The following MMS22L variants were observed in gnomAD, a reference collection of about 807,000 sequenced individuals.
MMS22L encodes the protein protein MMS22-like.
In MMS22L, 74 loss-of-function variants were observed where a neutral mutation model predicts 159.1. That is an observed-to-expected ratio of 0.47 (90% CI 0.39 to 0.56). The LOEUF is 0.56. Among genes scored for constraint, MMS22L ranks in the 20% least tolerant of loss-of-function variants. MMS22L has a pLI of 0.00. For synonymous variants in MMS22L, 517 were observed against 506.9 expected (o/e 1.02, Z -0.27); for missense variants, 1,351 against 1,422.1 (o/e 0.95, Z 0.80).
At chr6:97,213,781 A>C (rs549471762) in intron 14 of MMS22L, among the ~76,000 whole-genome samples, 1 of 152,336 alleles carries the variant, frequency 6.6e-6, no homozygotes, top group Non-Finnish European at 1.5e-5. Context: ...AAAAAGGCTT[A>C]GAGAAATAGT....
chr6:97,256,948 T>TA (rs938654143), intron 9 of MMS22L, among the ~76,000 whole-genome samples: 85 of 152,232 alleles, frequency 5.6e-4, no homozygotes, highest in African/African-American at 2.0e-3. Flanking sequence ...CCTTCTCTCT[T>TA]AAAAAAATAA....
chr6:97,159,667 T>C (rs1409901783), intron 22 of MMS22L, among the ~76,000 whole-genome samples: 1 of 152,018 alleles, frequency 6.6e-6, no homozygotes, highest in Non-Finnish European at 1.5e-5. Flanking sequence ...TGAGCTGACC[T>C]GATGCCATAA....
chr6:97,147,457 C>T (rs1245003708), intron 24 of MMS22L, among the ~76,000 whole-genome samples: 1 of 152,124 alleles, frequency 6.6e-6, no homozygotes, highest in Non-Finnish European at 1.5e-5. Flanking sequence ...GTCTAAATAC[C>T]TGTTCTGTTC....
In MMS22L at chr6:97,186,645, C is replaced by T. The variant is rs760524272; in HGVS notation, c.2085G>A (p.Val695=). ...ATAATGAAGACTGTACAAATAGGTC[C>T]ACATTGTCCCTTTGAAGTTCCTGAC... The part of the protein sequence containing the change: ...QLCQELQRDN[V]DLFVQSSLSA... Residue 695 remains valine, a synonymous_variant, in exon 15 of 25, where the codon GTG becomes GTA. Transcript: ENST00000683635. 1.9e-6 allele frequency: 3 copies of T among 1,587,362 alleles called. No individual in the cohort carries two copies. The highest frequency in any genetic ancestry group is 3.7e-5 in the Admixed American group (2 of 54,662).
intron 19 of MMS22L, among the ~76,000 whole-genome samples, chr6:97,169,554 G>GA (rs1248237964): frequency 2.0e-5 from 3 of 151,950 alleles, no homozygotes; most frequent in East Asian, 1.9e-4. Context: ...TGATGTTAAA[G>GA]AAAAAAACTC....
intron 9 of MMS22L, among the ~76,000 whole-genome samples, chr6:97,255,237 A>G (rs994632713): frequency 1.3e-5 from 2 of 152,148 alleles, no homozygotes; most frequent in African/African-American, 2.4e-5. Context: ...ACTATTGCAG[A>G]ACATTTAGTG....
intron 15 of MMS22L, among the ~76,000 whole-genome samples, chr6:97,184,753 C>T (rs1388310170): frequency 6.6e-6 from 1 of 152,066 alleles, no homozygotes; most frequent in Non-Finnish European, 1.5e-5. Context: ...TACAATAGTT[C>T]CCTAACTGCC....
At position 97,150,014 on chromosome 6, in the gene MMS22L, A is replaced by T; in HGVS notation, c.3489T>A (p.Phe1163Leu). 6.2e-7 allele frequency: 1 copy of T among 1,612,798 alleles called. No individual in the cohort carries two copies. Among genetic ancestry groups the T allele is most frequent in the Non-Finnish European group, 8.5e-7 (1 of 1,179,390 alleles). ...SSQLTSVFRQ[F>L]IQDYGMRYYY... ...AGTACCTCATACCATAATCCTGGATAAACTGCCTGAAAGTAAAACAGGTTT... is the reference window on the plus strand; with the variant it reads ...AGTACCTCATACCATAATCCTGGATTAACTGCCTGAAAGTAAAACAGGTTT... The change falls in exon 24 of 25, where the codon TTT becomes TTA. Residue 1163 changes from phenylalanine to leucine, a missense_variant. Transcript: ENST00000683635.
chr6:97,235,570 A>G (rs147005198), intron 11 of MMS22L, among the ~76,000 whole-genome samples: 2 of 152,328 alleles, frequency 1.3e-5, no homozygotes, highest in Non-Finnish European at 2.9e-5. Context: ...GTACTTCAGA[A>G]AAACGACAAT....
intron 14 of MMS22L, among the ~76,000 whole-genome samples, chr6:97,224,287 A>G (rs1809981910): frequency 1.3e-5 from 2 of 152,140 alleles, no homozygotes; most frequent in Non-Finnish European, 2.9e-5. Flanking sequence ...CTACCTCTGT[A>G]CTTCTGAATA....
intron 3 of MMS22L, 72 bp from the exon 4 acceptor site, chr6:97,278,970 G>A: frequency 1.5e-6 from 2 of 1,291,504 alleles, no homozygotes; most frequent in Non-Finnish European, 2.2e-6. Context: ...CGTGGACAAT[G>A]TTTCCAAATT....
intron 10 of MMS22L, among the ~76,000 whole-genome samples, chr6:97,251,343 C>T (rs540040395): frequency 1.3e-5 from 2 of 152,306 alleles, no homozygotes; most frequent in African/African-American, 4.8e-5. Flanking sequence ...ATTACCCTCT[C>T]ACCTACTTTA....
chr6:97,155,832 C>A (rs1287988945), intron 22 of MMS22L, among the ~76,000 whole-genome samples: 4 of 152,112 alleles, frequency 2.6e-5, no homozygotes, highest in Non-Finnish European at 5.9e-5. Context: ...GATTTATAAT[C>A]CTTTGGGTAT....
Position 97,266,768 on chromosome 6 carries a change from C to T in MMS22L, c.828+1104G>A, listed in dbSNP as rs1815163216. On this transcript the variant is annotated intron_variant, in intron 8 of 24. Transcript: ENST00000683635. The stretch of plus-strand genomic sequence containing the variant: ...GAAAGACAAGTAACACATAATCTCA[C>T]TTATATGTAGAATCTAAAAAAGCTG... 2.0e-5 allele frequency: 3 copies of T among 152,244 alleles called. No homozygotes were observed. In the South Asian group the frequency reaches 6.2e-4, roughly 32 times the overall value. 9.4% of individuals were successfully genotyped at this position (152,244 alleles called of 1,614,324 possible).
chr6:97,215,053 C>T (rs1302973048), intron 14 of MMS22L, among the ~76,000 whole-genome samples: 2 of 148,894 alleles, frequency 1.3e-5, no homozygotes, highest in South Asian at 4.2e-4. Context: ...CAATCAACTT[C>T]CCAATTTCTG....
At position 97,214,517 on chromosome 6, in the gene MMS22L, T is replaced by C. The variant is rs1339067582; in HGVS notation, c.2039+14377A>G. Reference sequence around the variant, plus strand: ...CAACAAAATATCAATAGTAGTTCTCTCAGCATGGTGAGTTAAATAACTTTT... The same window carrying C: ...CAACAAAATATCAATAGTAGTTCTCCCAGCATGGTGAGTTAAATAACTTTT... On this transcript the variant is annotated intron_variant, in intron 14 of 24. Transcript: ENST00000683635. Among the ~76,000 whole-genome samples, 3 of 152,160 alleles carry C rather than the reference T, an allele frequency of 2.0e-5. No homozygotes were observed. In the East Asian group the frequency reaches 5.8e-4, roughly 29 times the overall value.
At chr6:97,203,366 CT>C (rs1807390280) in intron 14 of MMS22L, among the ~76,000 whole-genome samples, 1 of 152,092 alleles carries the variant, frequency 6.6e-6, no homozygotes, top group Admixed American at 6.6e-5. Flanking sequence ...ACAAAGGGCT[CT>C]AGAGGGTCTG....
At chr6:97,283,546 C>T (rs1179861637), upstream of MMS22L, 1 of 152,280 alleles carries the variant, frequency 6.6e-6, no homozygotes. Context: ...TCTTCCCGCT[C>T]TGGGGCCAGC....
At chr6:97,209,372 C>T (rs1808128323) in intron 14 of MMS22L, among the ~76,000 whole-genome samples, 1 of 151,972 alleles carries the variant, frequency 6.6e-6, no homozygotes, top group Admixed American at 6.6e-5. Context: ...TGTGTGCTAT[C>T]ATATACTCCA....
Sources: gnomAD v4.1 joint callset for allele counts (sites outside exome capture counted in the v4.1 genomes callset) on GRCh38, gnomAD v4.1.1 for gene constraint, MANE v1.5 for transcripts, NCBI Gene and HGNC (gene_info 2026-07-23, HGNC 2026-07-21) for gene names.